Variants in BLTP3A observed in about 807,000 individuals in gnomAD.
BLTP3A encodes the protein bridge-like lipid transfer protein family member 3A, also known as ICBP90 binding protein 1.
chr6:34,871,242 C>A, the BLTP3A span: 16 of 1,173,428 alleles, frequency 1.4e-5, no homozygotes, highest in Admixed American at 2.4e-5. Context: ...TGGTGAGGAT[C>A]AAGTGAGGAA....
chr6:34,859,526 G>A, the BLTP3A span: 5 of 1,614,060 alleles, frequency 3.1e-6, no homozygotes, highest in South Asian at 1.1e-5. Flanking sequence ...GGCAGAGATC[G>A]AATGACCTCC....
At chr6:34,819,244 G>A in the BLTP3A span, among the ~76,000 whole-genome samples, 7 of 150,644 alleles carry the variant, frequency 4.6e-5, no homozygotes, top group African/African-American at 1.7e-4. Context: ...ATGCTGGTGC[G>A]CTGCACCCAC....
At chr6:34,856,130 C>G in the BLTP3A span, 7 of 1,367,078 alleles carry the variant, frequency 5.1e-6, no homozygotes, top group Non-Finnish European at 7.0e-6. Flanking sequence ...GATTTCTGCA[C>G]TGTGGGTGAG....
At chr6:34,812,029 A>G in the BLTP3A span, among the ~76,000 whole-genome samples, 1 of 151,992 alleles carries the variant, frequency 6.6e-6, no homozygotes, top group African/African-American at 2.4e-5. Flanking sequence ...TAGCTCTTAA[A>G]AAAAGAAAAA....
chr6:34,793,659 T>C, the BLTP3A span, among the ~76,000 whole-genome samples: 6 of 152,320 alleles, frequency 3.9e-5, no homozygotes, highest in East Asian at 1.2e-3. Flanking sequence ...ATTAACGTAA[T>C]ATATTCTTTT....
chr6:34,825,606 C>G, the BLTP3A span, among the ~76,000 whole-genome samples: 4 of 152,250 alleles, frequency 2.6e-5, no homozygotes, highest in South Asian at 8.3e-4. Context: ...TGAGTGCAGT[C>G]TCCGGCCTCT....
At chr6:34,845,687 C>T in the BLTP3A span, among the ~76,000 whole-genome samples, 1 of 152,064 alleles carries the variant, frequency 6.6e-6, no homozygotes, top group East Asian at 1.9e-4. Flanking sequence ...AGCTCCACCT[C>T]CCAGGTTCAC....
the BLTP3A span, among the ~76,000 whole-genome samples, chr6:34,839,169 G>T: frequency 6.6e-6 from 1 of 152,136 alleles, no homozygotes; most frequent in Non-Finnish European, 1.5e-5. Context: ...AGAATTGCTT[G>T]AACCCGGGAG....
chr6:34,860,424 CAG>C, the BLTP3A span, among the ~76,000 whole-genome samples: 4 of 152,182 alleles, frequency 2.6e-5, no homozygotes, highest in African/African-American at 7.2e-5. Context: ...GGTATAAAAA[CAG>C]TGCATTTAGA....
the BLTP3A span, among the ~76,000 whole-genome samples, chr6:34,809,335 G>T: frequency 6.6e-6 from 1 of 152,180 alleles, no homozygotes; most frequent in African/African-American, 2.4e-5. Context: ...TGAGGCTGCA[G>T]TGAGCAGCAG....
At chr6:34,835,315 T>C in the BLTP3A span, 2 of 1,614,092 alleles carry the variant, frequency 1.2e-6, no homozygotes, top group African/African-American at 1.3e-5. Context: ...CAATGTGATA[T>C]CCTCCAAGCT....
chr6:34,796,748 C>G, the BLTP3A span, among the ~76,000 whole-genome samples: 1 of 152,224 alleles, frequency 6.6e-6, no homozygotes, highest in African/African-American at 2.4e-5. Context: ...ATCAGCAGGG[C>G]AGCCTTTTGC....
chr6:34,855,670 A>G, the BLTP3A span: 3 of 1,613,874 alleles, frequency 1.9e-6, no homozygotes, highest in South Asian at 1.1e-5. Context: ...CTTCCGCAAG[A>G]TGGCGTTTGA....
the BLTP3A span, among the ~76,000 whole-genome samples, chr6:34,852,677 G>A: frequency 6.6e-6 from 1 of 151,946 alleles, no homozygotes; most frequent in East Asian, 1.9e-4. Flanking sequence ...ATCCCAGTTG[G>A]CATCTCAGGT....
At chr6:34,826,059 T>TCAC in the BLTP3A span, among the ~76,000 whole-genome samples, 1 of 140,748 alleles carries the variant, frequency 7.1e-6, no homozygotes, top group African/African-American at 2.7e-5. Context: ...AGATGGAGTC[T>TCAC]CACTCTGTTG....
the BLTP3A span, chr6:34,872,347 T>G: frequency 6.2e-7 from 1 of 1,611,830 alleles, no homozygotes; most frequent in African/African-American, 1.3e-5. Flanking sequence ...AAAGAACTTA[T>G]AGAAACTAAA....
chr6:34,874,022 T>G, the BLTP3A span: 1 of 152,188 alleles, frequency 6.6e-6, no homozygotes, highest in African/African-American at 2.4e-5. Context: ...CCAGTTACTA[T>G]GGGATGGTGG....
At chr6:34,807,900 G>A in the BLTP3A span, among the ~76,000 whole-genome samples, 1 of 152,032 alleles carries the variant, frequency 6.6e-6, no homozygotes, top group African/African-American at 2.4e-5. Flanking sequence ...AATTAGCTGG[G>A]TGTGGTGATG....
chr6:34,863,906 A>G, the BLTP3A span: 1 of 1,219,650 alleles, frequency 8.2e-7, no homozygotes, highest in Admixed American at 2.8e-5. Context: ...AACTTTATCC[A>G]GTTGTCTGAG....
Sources: gnomAD v4.1 joint callset for allele counts (sites outside exome capture counted in the v4.1 genomes callset) on GRCh38, gnomAD v4.1.1 for gene constraint, MANE v1.5 for transcripts, NCBI Gene and HGNC (gene_info 2026-07-23, HGNC 2026-07-21) for gene names.